USP36: variants seen among roughly 807,000 people sequenced by gnomAD.
USP36 encodes the protein ubiquitin carboxyl-terminal hydrolase 36.
In USP36, 59 loss-of-function variants were observed where a neutral mutation model predicts 111.5. The ratio of observed to expected loss-of-function variants is 0.53; its 90% CI spans 0.43 to 0.66. The LOEUF (loss-of-function observed/expected upper bound fraction) is 0.66, where lower values mean the gene tolerates loss of function less well. Ranked by LOEUF, USP36 falls within the 30% of genes least tolerant of loss-of-function variation. USP36 has a pLI of 0.00. For synonymous variants in USP36, 628 were observed against 581.0 expected, an observed-to-expected ratio of 1.08 and a Z score of -1.16; for missense variants, 1,488 against 1,468.0, an observed-to-expected ratio of 1.01 and a Z score of -0.22.
At chr17:78,824,504 A>G (rs1310500709) in intron 6 of USP36, among the ~76,000 whole-genome samples, 1 of 152,198 alleles carries the variant, frequency 6.6e-6, no homozygotes, top group Non-Finnish European at 1.5e-5. Flanking sequence ...AGATTGCACC[A>G]CTGCACTCTA....
At chr17:78,811,342 C>A (rs574272956) in intron 13 of USP36, among the ~76,000 whole-genome samples, 16 of 152,196 alleles carry the variant, frequency 1.1e-4, no homozygotes, top group South Asian at 4.1e-4. Context: ...CCTTTATCAT[C>A]CTCTCTCTGT....
chr17:78,821,204 G>C, intron 7 of USP36, 143 bp from the exon 8 acceptor site: 2 of 696,034 alleles, frequency 2.9e-6, no homozygotes, highest in South Asian at 3.8e-5. Context: ...AAGCATCCTG[G>C]TGTCCGAACA....
chr17:78,793,105 C>A (rs1273802998), downstream of USP36, among the ~76,000 whole-genome samples: 2 of 151,890 alleles, frequency 1.3e-5, no homozygotes, highest in Non-Finnish European at 2.9e-5. Flanking sequence ...GAATGCCTCT[C>A]CCCAGGTGCT....
intron 9 of USP36, among the ~76,000 whole-genome samples, 163 bp downstream of exon 9, chr17:78,819,767 C>T (rs963125402): frequency 3.9e-5 from 6 of 152,226 alleles, no homozygotes; most frequent in South Asian, 2.1e-4. Flanking sequence ...TTGCTTCATT[C>T]GTGTTATTTA....
chr17:78,818,912 C>T lies in USP36; in HGVS notation c.912-134G>A, dbSNP rs546838363. Reference sequence around the variant, plus strand: ...TCTTCATCAATGAGATTTCGACCTTCTGCTCCTCTCAAAATCACATTAAGC... The same window carrying T: ...TCTTCATCAATGAGATTTCGACCTTTTGCTCCTCTCAAAATCACATTAAGC... On this transcript the variant is annotated intron_variant, in intron 9 of 20. Transcript: ENST00000449938. 1.1e-5 allele frequency: 9 copies of T among 836,918 alleles called. No homozygotes were observed. In the Admixed American group the frequency reaches 1.6e-4, roughly 15 times the overall value. The allele number at this position is 836,918 out of a possible 1,614,324, so 51.8% of individuals were successfully genotyped here.
chr17:78,832,876 C>T (rs543748828), intron 4 of USP36, among the ~76,000 whole-genome samples: 54 of 152,172 alleles, frequency 3.5e-4, no homozygotes, highest in Non-Finnish European at 6.0e-4. Flanking sequence ...CTGCAGGGCA[C>T]GGTGGCTCAT....
chr17:78,823,146 T>C, intron 6 of USP36: 2 of 398,782 alleles, frequency 5.0e-6, no homozygotes, highest in Non-Finnish European at 8.8e-6. Context: ...AGCTCTGAAA[T>C]ACTTGGGGGA....
At chr17:78,794,327 A>G (rs952388176), downstream of USP36, among the ~76,000 whole-genome samples, 12 of 152,226 alleles carry the variant, frequency 7.9e-5, no homozygotes, top group African/African-American at 2.7e-4. Context: ...CTTCTTGTCC[A>G]AACTGTCAAA....
intron 10 of USP36, among the ~76,000 whole-genome samples, chr17:78,815,957 CAT>C (rs776216596): frequency 4.6e-5 from 7 of 152,026 alleles, no homozygotes; most frequent in South Asian, 2.1e-4. Context: ...CATGCACACA[CAT>C]ATACATACAC....
intron 3 of USP36, among the ~76,000 whole-genome samples, chr17:78,790,244 C>A (rs1260626038): frequency 6.6e-6 from 1 of 152,084 alleles, no homozygotes; most frequent in South Asian, 2.1e-4. Flanking sequence ...CACCCACCAC[C>A]ACGCCTGGCT....
rs1310784515 is a variant in USP36 at position 78,807,382 on chromosome 17, A to G, written c.1662T>C (p.Pro554=). ...TGCTGCTATTCGAGTTGCTGGTCCC[A>G]GGCAGCCCCTGAGCAGTTCTGGGGG... ...HFSPRTAQGL[P]GTSNSNSSRS... The change falls in exon 14 of 21, where the codon CCT becomes CCC. Residue 554 remains proline, a synonymous_variant. Transcript: ENST00000449938. 5 of 1,614,070 alleles carry G rather than the reference A, an allele frequency of 3.1e-6. No individual in the cohort carries two copies. The highest frequency in any genetic ancestry group is 4.2e-6 in the Non-Finnish European group (5 of 1,180,030).
downstream of USP36, among the ~76,000 whole-genome samples, chr17:78,794,490 C>G (rs116935963): frequency 3.1e-3 from 473 of 152,330 alleles, 4 homozygotes; most frequent in Non-Finnish European, 5.0e-3. Flanking sequence ...CTCCCTGCAT[C>G]TCCCTAACAG....
chr17:78,798,191 A>C lies in USP36; in HGVS notation c.*20+209T>G. On this transcript the variant is annotated intron_variant, in intron 20 of 20. Transcript: ENST00000449938. The surrounding 1 kb of genome is among the most constrained non-coding windows in gnomAD (Gnocchi z 5.1). ...ACACGCATCCCACACACACCCCCTT[A>C]TACACACGCATCCCACACACACCCT... 1 of 597,482 alleles carries C rather than the reference A, an allele frequency of 1.7e-6. No homozygotes were observed. 37.0% of individuals were successfully genotyped at this position (597,482 alleles called of 1,614,324 possible).
intron 10 of USP36, among the ~76,000 whole-genome samples, chr17:78,816,659 T>G (rs1053832851): frequency 5.3e-5 from 8 of 151,936 alleles, no homozygotes; most frequent in African/African-American, 1.9e-4. Flanking sequence ...AATTTTTTTG[T>G]AGAGACAGGG....
chr17:78,803,007 C>T lies in USP36; in HGVS notation c.2810+378G>A, dbSNP rs185549122. On this transcript the variant is annotated intron_variant, in intron 16 of 20. Coordinates refer to ENST00000449938, the MANE Select transcript of USP36 (RefSeq NM_001385174.1). The surrounding 1 kb of genome is among the most constrained non-coding windows in gnomAD (Gnocchi z 4.6). ...AGGCTGTAGTGCAGTGACGCGATCT[C>T]AGCTCACTGCAACCTCCACCTCCTG... Among the ~76,000 whole-genome samples, 3 of 152,188 alleles carry T rather than the reference C, an allele frequency of 2.0e-5. No homozygotes were observed. The highest frequency in any genetic ancestry group is 2.0e-4 in the Admixed American group (3 of 15,284).
Position 78,836,236 on chromosome 17 carries a change from T to C in USP36, c.128A>G (p.Glu43Gly), listed in dbSNP as rs1482591033. 2 of 1,614,134 alleles carry C rather than the reference T, an allele frequency of 1.2e-6. No individual in the cohort carries two copies. Residue 43 changes from glutamate (E) to glycine (G), a missense_variant, in exon 3 of 21, where the codon GAG (glutamate) becomes GGG (glycine). Physicochemically the swap from Glu to Gly is moderately conservative, Grantham distance 98. Around this residue, in one of 3 missense-constraint regions of USP36, gnomAD observed 219 missense variants for 209.5 expected, o/e 1.05. Transcript: ENST00000449938. Reference sequence around the variant, plus strand: ...GTAGGAGAAGCTCTTGCTGGCTGGCTCGAACTCGATTTTCTGTAAAAGGAC... The same window carrying C: ...GTAGGAGAAGCTCTTGCTGGCTGGCCCGAACTCGATTTTCTGTAAAAGGAC... ...KKVLLQKIEF[E>G]PASKSFSYQL...
At chr17:78,799,866 T>A in intron 17 of USP36, 98 bp from the exon 18 acceptor site, 1 of 435,866 alleles carries the variant, frequency 2.3e-6, no homozygotes, top group Non-Finnish European at 3.8e-6. Context: ...TTACAGTAAG[T>A]GGATGCTTGC....
intron 6 of USP36, among the ~76,000 whole-genome samples, chr17:78,825,608 C>G (rs917178656): frequency 1.1e-4 from 17 of 152,190 alleles, no homozygotes; most frequent in Non-Finnish European, 1.2e-4. Flanking sequence ...CTGCATTCCT[C>G]CCATCTCACA....
rs563478930 is a variant in USP36, at chr17:78,798,785, C to A, written c.3240+123G>T. ...GGCCACACGCCCGGACAGGCCTGGGCAGCCTGGCTCTTCTCATGCTCGGCC... is the reference window on the plus strand; with the variant it reads ...GGCCACACGCCCGGACAGGCCTGGGAAGCCTGGCTCTTCTCATGCTCGGCC... On this transcript the variant is annotated intron_variant, in intron 19 of 20. Coordinates refer to ENST00000449938, the MANE Select transcript of USP36 (RefSeq NM_001385174.1). The surrounding 1 kb of genome is among the most constrained non-coding windows in gnomAD (Gnocchi z 5.1). The A allele has an allele frequency of 7.6e-5, 100 of 1,308,060 alleles. No individual in the cohort carries two copies. The highest frequency in any genetic ancestry group is 3.9e-4 in the Admixed American group (22 of 56,462). The allele number at this position is 1,308,060 out of a possible 1,614,324, so 81.0% of individuals were successfully genotyped here.
Sources: gnomAD v4.1 joint callset for allele counts (sites outside exome capture counted in the v4.1 genomes callset) on GRCh38, gnomAD v4.1.1 for gene constraint, gnomAD v4.1.1 regional missense constraint, Gnocchi (gnomAD v3.1) non-coding constraint, MANE v1.5 for transcripts, NCBI Gene and HGNC (gene_info 2026-07-23, HGNC 2026-07-21) for gene names.